Variants in SCN2A observed in about 807,000 individuals in gnomAD.
SCN2A encodes the protein sodium voltage-gated channel alpha subunit 2, also known as sodium channel protein type 2 subunit alpha.
Under a neutral mutation model 188.7 loss-of-function variants are expected in SCN2A, and 20 were observed. The observed-to-expected ratio is 0.11, with a 90% CI of 0.07 to 0.15. The LOEUF (loss-of-function observed/expected upper bound fraction) is 0.15, where lower values mean the gene tolerates loss of function less well. Ranked by LOEUF, SCN2A falls within the 10% of genes least tolerant of loss-of-function variation. The pLI, the probability that SCN2A is intolerant of heterozygous loss-of-function variation, is 1.00. For missense variants in SCN2A, 1,278 were observed against 2,445.0 expected (o/e 0.52, Z 10.07); for synonymous variants, 804 against 833.1 (o/e 0.97, Z 0.60).
intron 17 of SCN2A, among the ~76,000 whole-genome samples, chr2:165,363,420 G>A: frequency 6.6e-6 from 1 of 152,114 alleles, no homozygotes; most frequent in East Asian, 1.9e-4. Flanking sequence ...TCCATCAGAT[G>A]TGACTCAGCT....
At chr2:165,309,078 A>T in intron 5 of SCN2A, 1 of 1,396,840 alleles carries the variant, frequency 7.2e-7, no homozygotes, top group South Asian at 1.2e-5. Context: ...TGATGGCGAC[A>T]CTCATGAAAT....
chr2:165,360,812 C>T (rs1559388259), intron 17 of SCN2A, among the ~76,000 whole-genome samples: 1 of 151,924 alleles, frequency 6.6e-6, no homozygotes, highest in East Asian at 1.9e-4. Flanking sequence ...ACTGGATCTG[C>T]TTCTAGCCAG....
intron 10 of SCN2A, among the ~76,000 whole-genome samples, chr2:165,314,783 C>A (rs565961481): frequency 1.6e-4 from 25 of 152,210 alleles, no homozygotes; most frequent in Non-Finnish European, 8.8e-5. Context: ...AATCCAATTG[C>A]CTATTTTTGT....
chr2:165,296,199 C>A lies in SCN2A; in HGVS notation c.267+109C>A, dbSNP rs1410420787. On this transcript the variant is annotated intron_variant, in intron 2 of 26. Coordinates refer to ENST00000375437, the MANE Select transcript of SCN2A (RefSeq NM_001040142.2). ...GCCTCCTTCCCTCTGTCTAAAGTAT[C>A]ACTAAGATGCTGGATGGGCCTGACC... The A allele has an allele frequency of 1.4e-5, 15 of 1,055,604 alleles. No homozygotes were observed. The Admixed American group carries it at 2.6e-4, about 18-fold the overall frequency. The allele number at this position is 1,055,604 out of a possible 1,614,324, so 65.4% of individuals were successfully genotyped here.
At chr2:165,290,698 A>G in intron 1 of SCN2A, 3 of 839,710 alleles carry the variant, frequency 3.6e-6, no homozygotes, top group South Asian at 1.1e-4. Context: ...TATGGATTTG[A>G]TAATTGAAGT....
At chr2:165,257,369 A>G (rs1192506518) in intron 1 of SCN2A, among the ~76,000 whole-genome samples, 1 of 152,244 alleles carries the variant, frequency 6.6e-6, no homozygotes, top group East Asian at 1.9e-4. Context: ...CCACACCACC[A>G]GAAAAGCAAT....
At chr2:165,303,800 G>A (rs915428150) in intron 3 of SCN2A, among the ~76,000 whole-genome samples, 8 of 152,068 alleles carry the variant, frequency 5.3e-5, no homozygotes, top group African/African-American at 1.9e-4. Flanking sequence ...TTATGTATCA[G>A]AAGTTTTAAC....
intron 11 of SCN2A, among the ~76,000 whole-genome samples, chr2:165,317,264 A>G (rs1049503349): frequency 6.7e-6 from 1 of 149,664 alleles, no homozygotes; most frequent in African/African-American, 2.4e-5. Flanking sequence ...TGATTCCATT[A>G]GTAGAAACAT....
At chr2:165,374,220 G>A (rs767540591) in intron 21 of SCN2A, among the ~76,000 whole-genome samples, 1 of 151,918 alleles carries the variant, frequency 6.6e-6, no homozygotes, top group Non-Finnish European at 1.5e-5. Context: ...TGCAGTAGAA[G>A]GCTTAATAAA....
chr2:165,291,563 TCCTTCCTTCCTTTCTC>T (rs1331019637), intron 1 of SCN2A, among the ~76,000 whole-genome samples: 210 of 91,962 alleles, frequency 2.3e-3, no homozygotes, highest in Non-Finnish European at 3.7e-3. Context: ...CTTCCTTCCT[TCCTTCCTTCCTTTCTC>T]TCTCTCTCTC....
chr2:165,254,918 T>C (rs1003715145), intron 1 of SCN2A, among the ~76,000 whole-genome samples: 5 of 151,846 alleles, frequency 3.3e-5, no homozygotes, highest in African/African-American at 1.2e-4. Flanking sequence ...TGTTGAGATA[T>C]GTTTTCTCTC....
intron 1 of SCN2A, among the ~76,000 whole-genome samples, chr2:165,275,541 A>G (rs1428827663): frequency 6.6e-6 from 1 of 152,180 alleles, no homozygotes; most frequent in African/African-American, 2.4e-5. Context: ...CTGGAAGAAG[A>G]CTGGCCCTTA....
intron 1 of SCN2A, among the ~76,000 whole-genome samples, chr2:165,262,682 G>A (rs926226302): frequency 4.6e-5 from 7 of 151,968 alleles, no homozygotes; most frequent in Non-Finnish European, 1.0e-4. Context: ...CCATATTTTT[G>A]CAATTGTGAA....
intron 14 of SCN2A, among the ~76,000 whole-genome samples, chr2:165,336,416 A>T (rs1202045631): frequency 1.3e-5 from 2 of 152,006 alleles, no homozygotes; most frequent in African/African-American, 4.8e-5. Flanking sequence ...AGAATGAAGT[A>T]TTGCTACAAT....
chr2:165,245,820 A>G (rs1291389135), intron 1 of SCN2A, among the ~76,000 whole-genome samples: 1 of 152,232 alleles, frequency 6.6e-6, no homozygotes, highest in Non-Finnish European at 1.5e-5. Context: ...TAATCAGTCT[A>G]TTCAATTAAA....
intron 17 of SCN2A, 135 bp from the exon 18 acceptor site, chr2:165,365,008 G>T: frequency 1.2e-6 from 1 of 806,900 alleles, no homozygotes. Context: ...AAGCGGATTG[G>T]CATTATGTTT....
At chr2:165,345,005 T>C in intron 16 of SCN2A, 94 bp downstream of exon 16, 1 of 1,474,752 alleles carries the variant, frequency 6.8e-7, no homozygotes, top group East Asian at 2.3e-5. Flanking sequence ...ATTTTTTAAA[T>C]CAAGGCCACT....
chr2:165,338,203 A>T (rs114172113), intron 14 of SCN2A, among the ~76,000 whole-genome samples: 1,592 of 151,276 alleles, frequency 0.011, 20 homozygotes, highest in African/African-American at 0.037. Flanking sequence ...AAGACAACTG[A>T]TTGTTTAAAG....
chr2:165,356,794 T>C (rs1232147973), intron 17 of SCN2A, among the ~76,000 whole-genome samples: 1 of 152,214 alleles, frequency 6.6e-6, no homozygotes, highest in Non-Finnish European at 1.5e-5. Context: ...ATGTCTGAAG[T>C]AAGAGGGAAG....
Sources: allele counts gnomAD v4.1 joint callset (sites outside exome capture counted in the v4.1 genomes callset), GRCh38; gene constraint gnomAD v4.1.1; transcripts MANE v1.5; gene names NCBI Gene and HGNC (gene_info 2026-07-23, HGNC 2026-07-21).